Variants in PDXDC1 observed in about 807,000 individuals in gnomAD.
The protein encoded by PDXDC1 is pyridoxal-dependent decarboxylase domain-containing protein 1.
Under a neutral mutation model 100.1 loss-of-function variants are expected in PDXDC1, and 42 were observed. That is an observed-to-expected ratio of 0.42 (90% CI 0.33 to 0.54). The LOEUF is 0.54. Among genes scored for constraint, PDXDC1 ranks in the 20% least tolerant of loss-of-function variants. The pLI, the probability that PDXDC1 is intolerant of heterozygous loss-of-function variation, is 0.10. For synonymous variants in PDXDC1, 260 were observed against 371.7 expected, an observed-to-expected ratio of 0.70 and a Z score of 3.46; for missense variants, 636 against 979.2, an observed-to-expected ratio of 0.65 and a Z score of 4.68.
At chr16:15,040,361 G>C (rs1158126612), downstream of PDXDC1, 3 of 352,228 alleles carry the variant, frequency 8.5e-6, no homozygotes, top group Non-Finnish European at 1.5e-5. Flanking sequence ...AAAACCTCTG[G>C]TCATCCCTAC....
Position 14,998,329 on chromosome 16 carries a change from C to T in PDXDC1, c.96-11C>T. 1 of 1,608,436 alleles carries T rather than the reference C, an allele frequency of 6.2e-7. No homozygotes were observed. Among genetic ancestry groups the T allele is most frequent in the Non-Finnish European group, 8.5e-7 (1 of 1,178,962 alleles). On this transcript the variant is annotated splice_polypyrimidine_tract_variant and intron_variant, in intron 2 of 22. Coordinates refer to ENST00000396410, the MANE Select transcript of PDXDC1 (RefSeq NM_015027.4). ...AAACAAATGAACAGCTTTTTCTTTT[C>T]TTTAAATTAGAAGAACAGAAGAGGA...
At position 15,111,479 on chromosome 16, in the gene PDXDC1, G is replaced by A. The variant is rs1411612820; in HGVS notation, c.1400-27400G>A. 1.1e-3 allele frequency among the ~76,000 whole-genome samples: 153 copies of A among 139,382 alleles called. 7 individuals carry two copies. The highest frequency in any genetic ancestry group is 1.4e-3 in the Non-Finnish European group (87 of 63,742). The allele number at this position is 139,382 out of a possible 152,430, so 91.4% of individuals were successfully genotyped here. A position where few individuals can be genotyped will look rare whatever the true frequency, so the allele number is the denominator to read the frequency against. Reference sequence around the variant, plus strand: ...CTCAAAAAAAAAAAAAAAAAAATAGGCCAGGTGTGGTAGCTCACGCCTGTA... The same window carrying A: ...CTCAAAAAAAAAAAAAAAAAAATAGACCAGGTGTGGTAGCTCACGCCTGTA... On this transcript the variant is annotated intron_variant, in intron 16 of 16. Transcript: ENST00000535621.
intron 3 of PDXDC1, 131 bp from the exon 4 acceptor site, chr16:15,001,645 C>G (rs1358638587): frequency 3.1e-6 from 2 of 643,070 alleles, no homozygotes; most frequent in South Asian, 2.6e-5. Context: ...ATACCACGTT[C>G]TTTCTCTTAT....
At chr16:15,055,816 C>T (rs1216321288) in intron 16 of PDXDC1, 9 of 792,670 alleles carry the variant, frequency 1.1e-5, no homozygotes, top group Non-Finnish European at 1.4e-5. Flanking sequence ...GTCTGTGTCG[C>T]GTGAGGGGGG....
At chr16:14,992,430 C>T (rs1319117562) in intron 1 of PDXDC1, among the ~76,000 whole-genome samples, 3 of 152,272 alleles carry the variant, frequency 2.0e-5, no homozygotes, top group Non-Finnish European at 2.9e-5. Flanking sequence ...TGGTAGGGGA[C>T]ACACGGGAGT....
chr16:15,076,696 A>G, intron 16 of PDXDC1: 1 of 1,340,658 alleles, frequency 7.5e-7, no homozygotes, highest in Non-Finnish European at 1.1e-6. Context: ...TTTAAAAAAT[A>G]CAACTATGTT....
chr16:15,031,857 G>C lies in PDXDC1; in HGVS notation c.1522G>C (p.Gly508Arg). The change falls in exon 17 of 23, where the codon GGT (glycine) becomes CGT (arginine). Residue 508 changes from glycine (G) to arginine (R), a missense_variant. By Grantham distance (125) the Gly-to-Arg change is moderately radical. Around this residue, in one of 4 missense-constraint regions of PDXDC1, gnomAD observed 452 missense variants for 402.9 expected, o/e 1.12. Coordinates refer to ENST00000396410, the MANE Select transcript of PDXDC1 (RefSeq NM_015027.4). ...CAAGCAGGAAGTGGAAGCAACAGCAGGTCTCCTATATGTTGATGACCCTAA... is the reference window on the plus strand; with the variant it reads ...CAAGCAGGAAGTGGAAGCAACAGCACGTCTCCTATATGTTGATGACCCTAA... Reference protein sequence around the residue: ...EFKQEVEATAGLLYVDDPNWS... With the variant: ...EFKQEVEATARLLYVDDPNWS... 1 of 1,613,974 alleles carries C rather than the reference G, an allele frequency of 6.2e-7. No individual in the cohort carries two copies. Among genetic ancestry groups the C allele is most frequent in the South Asian group, 1.1e-5 (1 of 91,038 alleles).
intron 16 of PDXDC1, chr16:15,094,352 G>C (rs1383729419): frequency 2.5e-5 from 23 of 917,864 alleles, no homozygotes; most frequent in Middle Eastern, 3.3e-4. Flanking sequence ...GCGGCCCCGC[G>C]TGGGGAGGGC....
At chr16:15,024,618 G>A (rs2042448522) in intron 13 of PDXDC1, among the ~76,000 whole-genome samples, 1 of 152,246 alleles carries the variant, frequency 6.6e-6, no homozygotes, top group Non-Finnish European at 1.5e-5. Context: ...TCACCATGTT[G>A]GCCAGGCTGG....
At chr16:15,102,901 C>T (rs2046612294) in intron 16 of PDXDC1, among the ~76,000 whole-genome samples, 1 of 149,016 alleles carries the variant, frequency 6.7e-6, no homozygotes, top group Admixed American at 6.6e-5. Flanking sequence ...TGAGCCATTG[C>T]ACTCCAGCCT....
At chr16:14,989,196 A>T in intron 1 of PDXDC1, 1 of 1,614,232 alleles carries the variant, frequency 6.2e-7, no homozygotes, top group Non-Finnish European at 8.5e-7. Context: ...CATCTCCAAG[A>T]GCTCCAGCAT....
downstream of PDXDC1, chr16:15,041,076 T>C: frequency 6.3e-7 from 1 of 1,598,016 alleles, no homozygotes; most frequent in Non-Finnish European, 8.6e-7. Flanking sequence ...ACCAATGCCA[T>C]ATATTACTGG....
At chr16:15,035,700 G>T (rs1452219320) in intron 22 of PDXDC1, 147 bp downstream of exon 22, 1 of 599,980 alleles carries the variant, frequency 1.7e-6, no homozygotes, top group Admixed American at 3.3e-5. Flanking sequence ...GGTAGCCGTG[G>T]GATTCAGCCT....
chr16:15,036,359 C>A lies in PDXDC1; in HGVS notation c.*84C>A. On this transcript the variant is annotated 3_prime_UTR_variant, in exon 23 of 23. Transcript: ENST00000396410. ...TTGGAAATGTGAACTGTGCCACATA[C>A]TAATATAAATTACTGTTGTTTGTGC... 1 of 1,264,292 alleles carries A rather than the reference C, an allele frequency of 7.9e-7. No individual in the cohort carries two copies. The highest frequency in any genetic ancestry group is 1.1e-6 in the Non-Finnish European group (1 of 901,058). 78.3% of individuals were successfully genotyped at this position (1,264,292 alleles called of 1,614,324 possible).
the PDXDC1 span, among the ~76,000 whole-genome samples, chr16:15,148,902 G>T: frequency 6.6e-6 from 1 of 152,084 alleles, no homozygotes; most frequent in African/African-American, 2.4e-5. Context: ...AGGAGTGAGC[G>T]TGTGACTTCT....
chr16:15,089,054 G>A (rs1004903623), intron 16 of PDXDC1, among the ~76,000 whole-genome samples: 1 of 152,148 alleles, frequency 6.6e-6, no homozygotes, highest in African/African-American at 2.4e-5. Flanking sequence ...TATAATCCCA[G>A]CACTTTGGGA....
intron 1 of PDXDC1, among the ~76,000 whole-genome samples, chr16:14,981,276 C>T (rs1454086909): frequency 1.3e-5 from 2 of 152,292 alleles, no homozygotes; most frequent in Non-Finnish European, 2.9e-5. Context: ...TTCATCTTTA[C>T]CTTTCCGATT....
intron 16 of PDXDC1, among the ~76,000 whole-genome samples, chr16:15,093,182 T>C (rs1269312360): frequency 6.6e-6 from 1 of 152,178 alleles, no homozygotes; most frequent in Non-Finnish European, 1.5e-5. Context: ...TTTTTGTATT[T>C]TCAGTAGAGA....
intron 22 of PDXDC1, 77 bp downstream of exon 22, chr16:15,035,630 C>A: frequency 1.3e-6 from 1 of 784,778 alleles, no homozygotes; most frequent in Non-Finnish European, 2.0e-6. Context: ...TTTCTGGGTT[C>A]TTGAACTCCA....
Sources: allele counts gnomAD v4.1 joint callset (sites outside exome capture counted in the v4.1 genomes callset), GRCh38; gene constraint gnomAD v4.1.1; regional missense constraint gnomAD v4.1.1; transcripts MANE v1.5; gene names NCBI Gene and HGNC (gene_info 2026-07-23, HGNC 2026-07-21).